AMOTL1: variants seen among roughly 807,000 people sequenced by gnomAD.
The protein encoded by AMOTL1 is angiomotin like 1.
Under a neutral mutation model 102.9 loss-of-function variants are expected in AMOTL1, and 45 were observed. That is an observed-to-expected ratio of 0.44 (90% CI 0.34 to 0.56). The LOEUF is 0.56. Ranked by LOEUF, AMOTL1 falls within the 20% of genes least tolerant of loss-of-function variation. AMOTL1 has a pLI of 0.01. For missense variants in AMOTL1, 1,114 were observed against 1,225.6 expected, an observed-to-expected ratio of 0.91 and a Z score of 1.36; for synonymous variants, 481 against 484.7, an observed-to-expected ratio of 0.99 and a Z score of 0.10.
Position 94,821,626 on chromosome 11 carries a change from C to A in AMOTL1, c.1218C>A (p.Ser406=), listed in dbSNP as rs377028559. The change falls in exon 4 of 13, where the codon TCC becomes TCA. Residue 406 remains serine (S), a synonymous_variant. Coordinates refer to ENST00000433060, the MANE Select transcript of AMOTL1 (RefSeq NM_130847.3). ...SSASGPLHSV[S]LPLPLPMALG... is the part of the protein sequence containing the mutation. ...CCAGCGGGCCACTGCACTCTGTCTC[C>A]CTGCCGCTTCCACTCCCGATGGCCC... 106 of 1,613,774 alleles carry A rather than the reference C, an allele frequency of 6.6e-5. No homozygotes were observed. Among genetic ancestry groups the A allele is most frequent in the Non-Finnish European group, 8.8e-5 (104 of 1,179,868 alleles).
At chr11:94,732,907 C>G (rs1389088118) in intron 2 of AMOTL1, among the ~76,000 whole-genome samples, 2 of 152,208 alleles carry the variant, frequency 1.3e-5, no homozygotes, top group Non-Finnish European at 2.9e-5. Context: ...CAGGAAGGAG[C>G]AGATTTCCTT....
At chr11:94,862,877 T>C (rs1157337459) in intron 9 of AMOTL1, among the ~76,000 whole-genome samples, 1 of 152,262 alleles carries the variant, frequency 6.6e-6, no homozygotes, top group African/African-American at 2.4e-5. Context: ...TGGCCTTTAG[T>C]GTATTTTCAA....
intron 1 of AMOTL1, among the ~76,000 whole-genome samples, chr11:94,707,250 C>CTCTCTG (rs1338023479): frequency 1.3e-4 from 9 of 71,796 alleles, no homozygotes; most frequent in African/African-American, 3.6e-4. Flanking sequence ...CTCTCTCTCT[C>CTCTCTG]TGTGTGTGTG....
intron 10 of AMOTL1, 118 bp downstream of exon 10, chr11:94,864,978 T>C: frequency 2.2e-6 from 3 of 1,359,556 alleles, no homozygotes; most frequent in Non-Finnish European, 2.9e-6. Context: ...CTCCAAAAAC[T>C]CTCCTCCCCC....
Position 94,795,050 on chromosome 11 carries a change from A to G in AMOTL1, c.89A>G (p.Gln30Arg), listed in dbSNP as rs1326219727. 2 of 1,613,760 alleles carry G rather than the reference A, an allele frequency of 1.2e-6. No individual in the cohort carries two copies. Among genetic ancestry groups the G allele is most frequent in the Non-Finnish European group, 1.7e-6 (2 of 1,179,816 alleles). ...SACYSPSSPV[Q>R]VLEDSTYFSP... ...TGTTATAGCCCCAGTAGTCCTGTCCAGGTTCTAGAAGACTCCACCTACTTT... is the reference window on the plus strand; with the variant it reads ...TGTTATAGCCCCAGTAGTCCTGTCCGGGTTCTAGAAGACTCCACCTACTTT... The change falls in exon 2 of 13, where the codon CAG becomes CGG. Residue 30 changes from glutamine to arginine, a missense_variant. By Grantham distance (43) the Gln-to-Arg change is conservative (BLOSUM62 1). Coordinates refer to ENST00000433060, the MANE Select transcript of AMOTL1 (RefSeq NM_130847.3).
At chr11:94,725,416 G>T (rs373862548) in intron 1 of AMOTL1, among the ~76,000 whole-genome samples, 8 of 152,256 alleles carry the variant, frequency 5.3e-5, no homozygotes, top group African/African-American at 1.9e-4. Context: ...AAATACACTT[G>T]TGCCAAACAA....
intron 1 of AMOTL1, among the ~76,000 whole-genome samples, chr11:94,781,480 A>G (rs1268207060): frequency 6.6e-6 from 1 of 152,180 alleles, no homozygotes; most frequent in East Asian, 1.9e-4. Flanking sequence ...GTCATTTAGA[A>G]CAACGTTTCT....
At chr11:94,740,867 A>G in intron 2 of AMOTL1, 1 of 1,090,386 alleles carries the variant, frequency 9.2e-7, no homozygotes, top group South Asian at 1.3e-5. Context: ...CCTGCGCTTG[A>G]GCTGGTGCTT....
intron 1 of AMOTL1, among the ~76,000 whole-genome samples, chr11:94,781,155 T>G (rs1951105574): frequency 6.6e-6 from 1 of 152,124 alleles, no homozygotes; most frequent in Non-Finnish European, 1.5e-5. Context: ...TTGGCTTATA[T>G]TCCCCTTCAT....
At chr11:94,707,697 A>T (rs1949953048) in intron 1 of AMOTL1, among the ~76,000 whole-genome samples, 1 of 152,030 alleles carries the variant, frequency 6.6e-6, no homozygotes, top group South Asian at 2.1e-4. Flanking sequence ...CCTCACCTGA[A>T]ATCTGCTCCC....
intron 3 of AMOTL1, among the ~76,000 whole-genome samples, chr11:94,816,912 T>G (rs1280321653): frequency 1.3e-5 from 2 of 152,186 alleles, no homozygotes; most frequent in Non-Finnish European, 2.9e-5. Flanking sequence ...TGTTGAGAGA[T>G]AAAATTAGTT....
chr11:94,827,116 G>A (rs533689975), intron 4 of AMOTL1, among the ~76,000 whole-genome samples: 1 of 152,190 alleles, frequency 6.6e-6, no homozygotes, highest in African/African-American at 2.4e-5. Flanking sequence ...CATGGGCAAG[G>A]CATAGTTCTA....
chr11:94,736,672 G>GA lies in AMOTL1; in HGVS notation c.86-4262dup, dbSNP rs541037583. 1.1e-4 allele frequency among the ~76,000 whole-genome samples: 16 copies of GA among 152,318 alleles called. No individual in the cohort carries two copies. In the South Asian group the frequency reaches 3.3e-3, roughly 32 times the overall value. ...AGGTATGTATTATTGTTAGGAAACTGAAAATGCCTGCCACCCAATATTCAC... is the reference window on the plus strand; with the variant it reads ...AGGTATGTATTATTGTTAGGAAACTGAAAAATGCCTGCCACCCAATATTCAC... On this transcript the variant is annotated intron_variant, in intron 2 of 4. Coordinates refer to the AMOTL1 transcript ENST00000299004.
intron 3 of AMOTL1, among the ~76,000 whole-genome samples, chr11:94,743,811 A>G (rs1950559152): frequency 1.3e-5 from 2 of 151,886 alleles, no homozygotes; most frequent in Admixed American, 6.6e-5. Flanking sequence ...GGTGCCCGCC[A>G]CCATGCCCAG....
At chr11:94,735,102 G>GGC (rs1390188837) in intron 2 of AMOTL1, among the ~76,000 whole-genome samples, 2 of 152,170 alleles carry the variant, frequency 1.3e-5, no homozygotes, top group Admixed American at 1.3e-4. Flanking sequence ...AACCCCTGGG[G>GGC]GCCCCTTGAG....
At chr11:94,731,698 A>C (rs1222472476) in intron 2 of AMOTL1, among the ~76,000 whole-genome samples, 1 of 152,178 alleles carries the variant, frequency 6.6e-6, no homozygotes, top group Non-Finnish European at 1.5e-5. Flanking sequence ...TGAATGAAAA[A>C]ATTGGCCTGA....
intron 3 of AMOTL1, among the ~76,000 whole-genome samples, chr11:94,815,801 A>G (rs898909606): frequency 6.6e-6 from 1 of 152,136 alleles, no homozygotes; most frequent in African/African-American, 2.4e-5. Flanking sequence ...ATGAGAAAGA[A>G]TCTTGTATGG....
intron 11 of AMOTL1, among the ~76,000 whole-genome samples, chr11:94,867,245 T>A (rs1952902582): frequency 6.6e-6 from 1 of 152,146 alleles, no homozygotes; most frequent in Non-Finnish European, 1.5e-5. Flanking sequence ...CAGCAGCCCC[T>A]GCCCCCAAAG....
intron 6 of AMOTL1, among the ~76,000 whole-genome samples, chr11:94,849,732 A>C (rs1435851204): frequency 6.6e-6 from 1 of 152,304 alleles, no homozygotes; most frequent in Non-Finnish European, 1.5e-5. Context: ...TATTATTATT[A>C]ATATTACCCA....
Sources: allele counts gnomAD v4.1 joint callset (sites outside exome capture counted in the v4.1 genomes callset), GRCh38; gene constraint gnomAD v4.1.1; transcripts MANE v1.5; gene names NCBI Gene and HGNC (gene_info 2026-07-23, HGNC 2026-07-21).